ANKIB1: variants seen among roughly 807,000 people sequenced by gnomAD.
ANKIB1 encodes the protein ankyrin repeat and IBR domain-containing protein 1.
Under a neutral mutation model 122.1 loss-of-function variants are expected in ANKIB1, and 43 were observed. The ratio of observed to expected loss-of-function variants is 0.35; its 90% CI spans 0.28 to 0.45. The LOEUF is 0.45. Ranked by LOEUF, ANKIB1 falls within the 20% of genes least tolerant of loss-of-function variation. The pLI, the probability that ANKIB1 is intolerant of heterozygous loss-of-function variation, is 1.00. For missense variants in ANKIB1, 992 were observed against 1,329.5 expected, an observed-to-expected ratio of 0.75 and a Z score of 3.95; for synonymous variants, 390 against 442.0, an observed-to-expected ratio of 0.88 and a Z score of 1.48.
intron 17 of ANKIB1, among the ~76,000 whole-genome samples, chr7:92,393,221 A>G (rs1184616880): frequency 6.6e-6 from 1 of 152,088 alleles, no homozygotes; most frequent in Non-Finnish European, 1.5e-5. Flanking sequence ...CAGCTGCTGA[A>G]GATACTTGCA....
intron 1 of ANKIB1, among the ~76,000 whole-genome samples, chr7:92,282,239 C>T (rs959163897): frequency 6.6e-6 from 1 of 151,976 alleles, no homozygotes; most frequent in Non-Finnish European, 1.5e-5. Context: ...CCACACCCTC[C>T]GCTCCCCAGG....
At chr7:92,299,485 T>C (rs1224396847) in intron 2 of ANKIB1, among the ~76,000 whole-genome samples, 2 of 152,224 alleles carry the variant, frequency 1.3e-5, no homozygotes, top group African/African-American at 4.8e-5. Context: ...TTTGGTATAG[T>C]ATCAAATATG....
At chr7:92,381,513 G>A (rs59213993) in intron 11 of ANKIB1, among the ~76,000 whole-genome samples, 5,176 of 152,270 alleles carry the variant, frequency 0.034, 257 homozygotes, top group African/African-American at 0.11. Flanking sequence ...TACCCACAAA[G>A]GAAAGCCCAT....
At chr7:92,311,629 T>C (rs1017291332) in intron 3 of ANKIB1, among the ~76,000 whole-genome samples, 2 of 152,154 alleles carry the variant, frequency 1.3e-5, no homozygotes, top group Non-Finnish European at 2.9e-5. Flanking sequence ...AAACAGTTTC[T>C]TATAGCTCAT....
intron 1 of ANKIB1, among the ~76,000 whole-genome samples, chr7:92,259,073 C>A (rs1801507769): frequency 6.6e-6 from 1 of 152,128 alleles, no homozygotes; most frequent in Non-Finnish European, 1.5e-5. Context: ...CCTGTCTCAG[C>A]CTCCTGAGTA....
At chr7:92,332,804 C>A (rs1191356099) in intron 5 of ANKIB1, among the ~76,000 whole-genome samples, 8 of 152,120 alleles carry the variant, frequency 5.3e-5, no homozygotes, top group Non-Finnish European at 1.2e-4. Flanking sequence ...ATACATTTCT[C>A]CCCCCTGGAC....
At chr7:92,392,903 G>C (rs1241984274) in intron 17 of ANKIB1, among the ~76,000 whole-genome samples, 1 of 151,976 alleles carries the variant, frequency 6.6e-6, no homozygotes, top group East Asian at 1.9e-4. Flanking sequence ...AAATAAGACA[G>C]AGTGAAACTC....
intron 11 of ANKIB1, among the ~76,000 whole-genome samples, chr7:92,382,923 C>T (rs1316853596): frequency 6.6e-6 from 1 of 151,868 alleles, no homozygotes; most frequent in Admixed American, 6.6e-5. Context: ...GACATAAAAA[C>T]CCCTTTAAAA....
At chr7:92,360,739 C>T (rs947569369) in intron 9 of ANKIB1, among the ~76,000 whole-genome samples, 1 of 152,220 alleles carries the variant, frequency 6.6e-6, no homozygotes, top group Non-Finnish European at 1.5e-5. Context: ...TCCACACCAA[C>T]AATTTATGTT....
At chr7:92,339,342 A>G (rs1483317425) in intron 5 of ANKIB1, among the ~76,000 whole-genome samples, 1 of 152,072 alleles carries the variant, frequency 6.6e-6, no homozygotes, top group Non-Finnish European at 1.5e-5. Flanking sequence ...GCACCTGGCC[A>G]AAAATTTTTT....
Position 92,326,849 on chromosome 7 carries a change from G to A in ANKIB1, c.670-934G>A, listed in dbSNP as rs975075350. On this transcript the variant is annotated intron_variant, in intron 4 of 19. Coordinates refer to ENST00000265742, the MANE Select transcript of ANKIB1 (RefSeq NM_019004.2). ...AGGTCTTACTATGTTGCCCAGGCTAGACTGCAGTGGCTATTCACCGGCATG... is the reference window on the plus strand; with the variant it reads ...AGGTCTTACTATGTTGCCCAGGCTAAACTGCAGTGGCTATTCACCGGCATG... 1.2e-4 allele frequency among the ~76,000 whole-genome samples: 18 copies of A among 151,984 alleles called. 1 individual carries two copies. Among genetic ancestry groups the A allele is most frequent in the East Asian group, 7.7e-4 (4 of 5,166 alleles).
In ANKIB1 at chr7:92,246,534, C is replaced by A. The variant is rs775931493; in HGVS notation, c.-91+15C>A. The A allele has an allele frequency of 3.9e-6, 2 of 517,746 alleles. No individual in the cohort carries two copies. The highest frequency in any genetic ancestry group is 3.8e-5 in the African/African-American group (2 of 52,050). 32.1% of individuals were successfully genotyped at this position (517,746 alleles called of 1,614,324 possible). A position where few individuals can be genotyped will look rare whatever the true frequency, so the allele number is the denominator to read the frequency against. On this transcript the variant is annotated intron_variant, in intron 1 of 19. Transcript: ENST00000265742. ...GAGAAGTAACCGTAAGTCTCAGCTT[C>A]GCGGTACAGATGTGTTTGAGGCTGC...
In ANKIB1 at chr7:92,343,182, A is replaced by G; in HGVS notation, c.946A>G (p.Thr316Ala). The stretch of plus-strand genomic sequence containing the variant: ...TCCAAGGACTACACGCTCTTCTGTC[A>G]CCTCCCCAGATGAAATCAGCTTATC... ...RTPRTTRSSV[T>A]SPDEISLSPG... is the part of the protein sequence containing the mutation. The change falls in exon 6 of 20, where the codon ACC becomes GCC. Residue 316 changes from threonine to alanine, a missense_variant. Thr to Ala is a moderately conservative substitution (Grantham distance 58, BLOSUM62 0). Around this residue, in one of 4 missense-constraint regions of ANKIB1, gnomAD observed 521 missense variants for 777.7 expected, o/e 0.67. Coordinates refer to ENST00000265742, the MANE Select transcript of ANKIB1 (RefSeq NM_019004.2). The G allele has an allele frequency of 6.2e-7, 1 of 1,613,774 alleles. No individual in the cohort carries two copies. Among genetic ancestry groups the G allele is most frequent in the Non-Finnish European group, 8.5e-7 (1 of 1,179,860 alleles).
intron 2 of ANKIB1, among the ~76,000 whole-genome samples, chr7:92,304,555 C>G (rs190059601): frequency 7.9e-5 from 12 of 152,120 alleles, no homozygotes; most frequent in Admixed American, 7.9e-4. Flanking sequence ...AAGAGAATAA[C>G]TGATATATTG....
intron 3 of ANKIB1, among the ~76,000 whole-genome samples, chr7:92,316,819 C>T (rs542238873): frequency 1.5e-3 from 225 of 152,280 alleles, no homozygotes; most frequent in African/African-American, 5.1e-3. Flanking sequence ...TGTTAGGGTA[C>T]AGCTTCTTAA....
intron 1 of ANKIB1, among the ~76,000 whole-genome samples, chr7:92,249,196 A>G (rs1054653414): frequency 1.3e-5 from 2 of 152,048 alleles, no homozygotes; most frequent in African/African-American, 4.8e-5. Flanking sequence ...CCTTCCAGAT[A>G]CTTTCATGTC....
At chr7:92,386,033 G>T (rs1009712083) in intron 11 of ANKIB1, among the ~76,000 whole-genome samples, 1 of 152,092 alleles carries the variant, frequency 6.6e-6, no homozygotes, top group Non-Finnish European at 1.5e-5. Flanking sequence ...GATAATTATG[G>T]TAATTAAGTT....
intron 4 of ANKIB1, among the ~76,000 whole-genome samples, chr7:92,326,589 C>G (rs1366564692): frequency 6.6e-6 from 1 of 152,098 alleles, no homozygotes; most frequent in African/African-American, 2.4e-5. Flanking sequence ...TTTCTAGAAG[C>G]AATGTATGAC....
intron 11 of ANKIB1, among the ~76,000 whole-genome samples, chr7:92,382,807 C>T (rs1003237837): frequency 6.6e-6 from 1 of 152,026 alleles, no homozygotes; most frequent in Non-Finnish European, 1.5e-5. Flanking sequence ...AAAATTGACA[C>T]CCTAACATCA....
Sources: gnomAD v4.1 joint callset for allele counts (sites outside exome capture counted in the v4.1 genomes callset) on GRCh38, gnomAD v4.1.1 for gene constraint, gnomAD v4.1.1 regional missense constraint, MANE v1.5 for transcripts, NCBI Gene and HGNC (gene_info 2026-07-23, HGNC 2026-07-21) for gene names.